The following CACNB1 variants were observed in gnomAD, a reference collection of about 807,000 sequenced individuals.
CACNB1 encodes voltage-dependent L-type calcium channel subunit beta-1.
In CACNB1, 29 loss-of-function variants were observed where a neutral mutation model predicts 71.6. The observed-to-expected ratio is 0.40, with a 90% CI of 0.30 to 0.55. CACNB1 has a LOEUF of 0.55. Ranked by LOEUF, CACNB1 falls within the 20% of genes least tolerant of loss-of-function variation. The pLI, the probability that CACNB1 is intolerant of heterozygous loss-of-function variation, is 0.38. For synonymous variants in CACNB1, 300 were observed against 319.6 expected (o/e 0.94, Z 0.65); for missense variants, 623 against 801.8 (o/e 0.78, Z 2.69).
chr17:39,178,589 C>T (rs1259804567), intron 11 of CACNB1, among the ~76,000 whole-genome samples: 1 of 151,820 alleles, frequency 6.6e-6, no homozygotes, highest in Non-Finnish European at 1.5e-5. Flanking sequence ...TATTATGTTG[C>T]CCAGGCTGGT....
chr17:39,179,743 T>C (rs566848938), intron 11 of CACNB1, among the ~76,000 whole-genome samples: 1 of 149,534 alleles, frequency 6.7e-6, no homozygotes, highest in African/African-American at 2.5e-5. Flanking sequence ...TATTAAAAAA[T>C]AATAATAATA....
At chr17:39,193,721 C>T (rs906112116) in intron 2 of CACNB1, 2 of 227,688 alleles carry the variant, frequency 8.8e-6, no homozygotes, top group Non-Finnish European at 9.0e-6. Flanking sequence ...TTGGCAAACA[C>T]TGAAGGAGCC....
At chr17:39,185,042 G>T in intron 7 of CACNB1, 89 bp downstream of exon 7, 1 of 1,233,178 alleles carries the variant, frequency 8.1e-7, no homozygotes, top group Non-Finnish European at 1.2e-6. Flanking sequence ...TGGGGGAAAT[G>T]GGGGACAGAT....
Position 39,184,851 on chromosome 17 carries a change from G to T in CACNB1, c.662C>A (p.Pro221His). 6.3e-7 allele frequency: 1 copy of T among 1,583,676 alleles called. No individual in the cohort carries two copies. The highest frequency in any genetic ancestry group is 8.7e-7 in the Non-Finnish European group (1 of 1,152,424). ...CATGGAAGGCACCACGTCATAGGGGGGCACATGCTCTGTCTGGGGGGGGAA... is the reference window on the plus strand; with the variant it reads ...CATGGAAGGCACCACGTCATAGGGGTGCACATGCTCTGTCTGGGGGGGGAA... ...KQKQKSTEHV[P>H]PYDVVPSMRP... Residue 221 changes from proline to histidine, a missense_variant, in exon 8 of 14, where the codon CCC becomes CAC. Transcript: ENST00000394303.
intron 2 of CACNB1, chr17:39,193,466 T>A (rs1470877425): frequency 2.2e-6 from 1 of 453,592 alleles, no homozygotes; most frequent in Non-Finnish European, 4.4e-6. Flanking sequence ...ACGGTCCGGC[T>A]GGGCGCCTCC....
Position 39,186,208 on chromosome 17 carries a change from A to G in CACNB1, c.628+288T>C. 1 of 970,066 alleles carries G rather than the reference A, an allele frequency of 1.0e-6. No individual in the cohort carries two copies. The highest frequency in any genetic ancestry group is 1.6e-6 in the Non-Finnish European group (1 of 626,964). The allele number at this position is 970,066 out of a possible 1,614,324, so 60.1% of individuals were successfully genotyped here. A position where few individuals can be genotyped will look rare whatever the true frequency, so the allele number is the denominator to read the frequency against. On this transcript the variant is annotated intron_variant, in intron 6 of 13. Coordinates refer to ENST00000394303, the MANE Select transcript of CACNB1 (RefSeq NM_000723.5). This position sits in a 1 kb window ranked among gnomAD's most constrained non-coding sequence, Gnocchi z 4.1. ...ACAGAACGCAGGGATGGGGATGGGG[A>G]AAAAAGAAAGAAGAAGAGGTGAATG...
Position 39,197,424 on chromosome 17 carries a change from G to A in CACNB1, c.72C>T (p.Asp24=). ...CACCACGCCTCACCTGCGGGCTGGGGTCGAAGACCTCCATGGGGATCTCCT... is the reference window on the plus strand; with the variant it reads ...CACCACGCCTCACCTGCGGGCTGGGATCGAAGACCTCCATGGGGATCTCCT... ...PSQEIPMEVF[D]PSPQGKYSKR... Residue 24 remains aspartate, a synonymous_variant, in exon 1 of 14, where the codon GAC becomes GAT. Transcript: ENST00000394303. The A allele has an allele frequency of 6.8e-7, 1 of 1,468,358 alleles. No homozygotes were observed. The highest frequency in any genetic ancestry group is 9.0e-7 in the Non-Finnish European group (1 of 1,113,054). The allele number at this position is 1,468,358 out of a possible 1,614,324, so 91.0% of individuals were successfully genotyped here. A position where few individuals can be genotyped will look rare whatever the true frequency, so the allele number is the denominator to read the frequency against.
chr17:39,184,850 G>A lies in CACNB1; in HGVS notation c.663C>T (p.Pro221=), dbSNP rs772313207. 4.6e-5 allele frequency: 74 copies of A among 1,595,746 alleles called. No homozygotes were observed. The Middle Eastern group carries it at 1.5e-3, about 32-fold the overall frequency. The part of the protein sequence containing the change: ...KQKQKSTEHV[P]PYDVVPSMRP... The stretch of plus-strand genomic sequence containing the variant: ...TCATGGAAGGCACCACGTCATAGGG[G>A]GGCACATGCTCTGTCTGGGGGGGGA... Residue 221 remains proline (P), a synonymous_variant, in exon 8 of 14, where the codon CCC becomes CCT. Transcript: ENST00000394303.
chr17:39,189,329 C>G (rs527560282), intron 3 of CACNB1, among the ~76,000 whole-genome samples: 1 of 151,710 alleles, frequency 6.6e-6, no homozygotes, highest in Non-Finnish European at 1.5e-5. Flanking sequence ...TGCCATTGCA[C>G]TCCAGCTTGG....
At position 39,187,520 on chromosome 17, in the gene CACNB1, C is replaced by T; in HGVS notation, c.373G>A (p.Ala125Thr). 1.9e-6 allele frequency: 3 copies of T among 1,614,126 alleles called. No homozygotes were observed. The Admixed American group carries it at 5.0e-5, about 27-fold the overall frequency. ...PGDEVPVQGVAITFEPKDFLH... is the reference protein window; with the variant it reads ...PGDEVPVQGVTITFEPKDFLH... ...AAGTCTTTGGGCTCGAAGGTGATGG[C>T]CACTCCCTGCACAGGCACCTCATCC... The change falls in exon 4 of 14, where the codon GCC (alanine) becomes ACC (threonine). Residue 125 changes from alanine to threonine, a missense_variant. Physicochemically the swap from Ala to Thr is moderately conservative, Grantham distance 58. Transcript: ENST00000394303.
rs1362975673 is a variant in CACNB1, at chr17:39,175,888, G to A, written c.1333-231C>T. The stretch of plus-strand genomic sequence containing the variant: ...GGGGCACCCGACCTTCAACAGATGT[G>A]AGGACATATGAACTCTCAGGGCAAC... On this transcript the variant is annotated intron_variant, in intron 13 of 13. Transcript: ENST00000394303. The surrounding 1 kb of genome is among the most constrained non-coding windows in gnomAD (Gnocchi z 4.7). Among the ~76,000 whole-genome samples the A allele has an allele frequency of 1.3e-5, 2 of 152,146 alleles. No homozygotes were observed. Among genetic ancestry groups the A allele is most frequent in the African/African-American group, 4.8e-5 (2 of 41,414 alleles).
intron 11 of CACNB1, among the ~76,000 whole-genome samples, chr17:39,182,427 G>A (rs1297754182): frequency 1.3e-5 from 2 of 151,838 alleles, no homozygotes; most frequent in Non-Finnish European, 2.9e-5. Context: ...TAGGCTGGGT[G>A]CGGTAGCTCA....
chr17:39,184,933 A>G, intron 7 of CACNB1, 69 bp from the exon 8 acceptor site: 3 of 1,193,416 alleles, frequency 2.5e-6, no homozygotes, highest in Non-Finnish European at 3.8e-6. Context: ...CCCAGACTCC[A>G]GGCTCCCCCA....
Position 39,175,570 on chromosome 17 carries a change from G to A in CACNB1, c.1420C>T (p.Gln474Ter). Residue 474 changes from glutamine (Q) to a stop codon, truncating the protein, a stop_gained, in exon 14 of 14, where the codon CAG (glutamine) becomes TAG (stop). Transcript: ENST00000394303. LOFTEE classifies it high-confidence loss of function. This position sits in a 1 kb window ranked among gnomAD's most constrained non-coding sequence, Gnocchi z 4.7. Reference sequence around the variant, plus strand: ...CTGCTGGGGTAAAGGCCTGGGGGCTGGCCCAGCTCCCCTGGGTACTCGTGC... The same window carrying A: ...CTGCTGGGGTAAAGGCCTGGGGGCTAGCCCAGCTCCCCTGGGTACTCGTGC... The part of the protein sequence containing the change: ...SMHEYPGELG[Q>*]PPGLYPSSHP... 3 of 1,612,778 alleles carry A rather than the reference G, an allele frequency of 1.9e-6. No homozygotes were observed. Among genetic ancestry groups the A allele is most frequent in the Non-Finnish European group, 1.7e-6 (2 of 1,179,438 alleles).
intron 11 of CACNB1, among the ~76,000 whole-genome samples, chr17:39,179,310 C>A (rs940846019): frequency 7.1e-6 from 1 of 140,104 alleles, no homozygotes; most frequent in Non-Finnish European, 1.5e-5. Context: ...AAAAGAGGGC[C>A]GGGTGCAGTG....
intron 2 of CACNB1, 69 bp from the exon 3 acceptor site, chr17:39,191,662 G>C (rs1287600990): frequency 6.5e-7 from 1 of 1,538,062 alleles, no homozygotes; most frequent in African/African-American, 1.4e-5. Flanking sequence ...GGAAGGCATG[G>C]AGGTGCCACC....
chr17:39,179,089 C>T (rs141552308), intron 11 of CACNB1, among the ~76,000 whole-genome samples: 5,886 of 151,540 alleles, frequency 0.039, 159 homozygotes, highest in Middle Eastern at 0.082. Flanking sequence ...GTCAGGAGAT[C>T]GAGACCATCC....
chr17:39,195,242 C>G (rs2046179360), intron 1 of CACNB1: 1 of 362,126 alleles, frequency 2.8e-6, no homozygotes, highest in African/African-American at 2.1e-5. Context: ...GCCAGAGAGG[C>G]TGGGAAGGGG....
At chr17:39,179,063 G>A (rs1847130159) in intron 11 of CACNB1, among the ~76,000 whole-genome samples, 2 of 152,034 alleles carry the variant, frequency 1.3e-5, no homozygotes, top group Admixed American at 1.3e-4. Flanking sequence ...GGAGGCCAAG[G>A]CGGGCAGATC....
Sources: allele counts gnomAD v4.1 joint callset (sites outside exome capture counted in the v4.1 genomes callset), GRCh38; gene constraint gnomAD v4.1.1; non-coding constraint Gnocchi (gnomAD v3.1); transcripts MANE v1.5; gene names NCBI Gene and HGNC (gene_info 2026-07-23, HGNC 2026-07-21).